KLF7: variants seen among roughly 807,000 people sequenced by gnomAD.
KLF7 encodes KLF transcription factor 7, also known as Krueppel-like factor 7.
In KLF7, 2 loss-of-function variants were observed where a neutral mutation model predicts 27.3. The ratio of observed to expected loss-of-function variants is 0.07; its 90% CI spans 0.03 to 0.23. The LOEUF (loss-of-function observed/expected upper bound fraction) is 0.23, where lower values mean the gene tolerates loss of function less well. Among genes scored for constraint, KLF7 ranks in the 10% least tolerant of loss-of-function variants. The probability of loss-of-function intolerance (pLI) is 1.00; values close to 1 mark genes in which losing one functional copy is unlikely to be tolerated. For synonymous variants in KLF7, 165 were observed against 162.4 expected, an observed-to-expected ratio of 1.02 and a Z score of -0.12; for missense variants, 221 against 394.1, an observed-to-expected ratio of 0.56 and a Z score of 3.72.
intron 1 of KLF7, among the ~76,000 whole-genome samples, chr2:207,142,968 G>A (rs1257807127): frequency 6.6e-6 from 1 of 152,168 alleles, no homozygotes; most frequent in East Asian, 1.9e-4. Context: ...AGATTAAAGA[G>A]CTCAAAAGAT....
chr2:207,137,858 G>A (rs192460410), intron 1 of KLF7, among the ~76,000 whole-genome samples: 32 of 152,264 alleles, frequency 2.1e-4, no homozygotes, highest in Non-Finnish European at 4.1e-4. Flanking sequence ...GAAAGATGAG[G>A]GAGAGGGGAA....
chr2:207,169,572 A>C (rs367585971), upstream of KLF7, among the ~76,000 whole-genome samples: 1 of 152,222 alleles, frequency 6.6e-6, no homozygotes, highest in Non-Finnish European at 1.5e-5. Context: ...ATTTTATTGT[A>C]CATAGCTTTA....
intron 2 of KLF7, among the ~76,000 whole-genome samples, chr2:207,098,778 A>ATTTT (rs1182598901): frequency 0.07 from 7,337 of 104,470 alleles, 441 homozygotes; most frequent in East Asian, 0.099. Flanking sequence ...CACTTGGCTA[A>ATTTT]TTTTTTTTTT....
At chr2:207,081,969 T>C (rs1011855897) in intron 3 of KLF7, among the ~76,000 whole-genome samples, 3 of 151,682 alleles carry the variant, frequency 2.0e-5, no homozygotes, top group African/African-American at 7.3e-5. Context: ...CAACCCTCCA[T>C]GGTAAGTATT....
intron 2 of KLF7, among the ~76,000 whole-genome samples, chr2:207,113,122 T>G (rs2077079676): frequency 6.6e-6 from 1 of 152,232 alleles, no homozygotes; most frequent in African/African-American, 2.4e-5. Context: ...TTTGGTCCAT[T>G]TAAGAAATAA....
intron 1 of KLF7, among the ~76,000 whole-genome samples, chr2:207,140,568 T>C (rs978912456): frequency 2.6e-5 from 4 of 152,134 alleles, no homozygotes; most frequent in African/African-American, 9.7e-5. Flanking sequence ...AAGCATCTCA[T>C]TCTTGTATAA....
chr2:207,136,376 A>G (rs1454961964), intron 1 of KLF7, among the ~76,000 whole-genome samples: 2 of 152,020 alleles, frequency 1.3e-5, no homozygotes, highest in Non-Finnish European at 2.9e-5. Flanking sequence ...CCCCCAGTTC[A>G]TCCCTCTCTC....
chr2:207,084,764 A>G lies in KLF7; in HGVS notation c.858-3500T>C, dbSNP rs548811201. Among the ~76,000 whole-genome samples the G allele has an allele frequency of 2.0e-5, 3 of 152,328 alleles. No homozygotes were observed. In the East Asian group the frequency reaches 5.8e-4, roughly 29 times the overall value. On this transcript the variant is annotated intron_variant, in intron 3 of 3. Coordinates refer to ENST00000309446, the MANE Select transcript of KLF7 (RefSeq NM_003709.4). ...AATATACCCCTAGAGGGTATTTATAACTTTACAGCAGCCAGGTGACCTTAA... is the reference window on the plus strand; with the variant it reads ...AATATACCCCTAGAGGGTATTTATAGCTTTACAGCAGCCAGGTGACCTTAA...
intron 2 of KLF7, among the ~76,000 whole-genome samples, chr2:207,093,300 G>C (rs2076553233): frequency 6.6e-6 from 1 of 152,128 alleles, no homozygotes; most frequent in Non-Finnish European, 1.5e-5. Flanking sequence ...AAAGTCAAAA[G>C]CCAGGCAAGG....
intron 2 of KLF7, among the ~76,000 whole-genome samples, chr2:207,115,716 C>T (rs2077161808): frequency 6.6e-6 from 1 of 151,866 alleles, no homozygotes; most frequent in African/African-American, 2.4e-5. Flanking sequence ...GGAATGCCAT[C>T]CCAGTTCCCA....
At chr2:207,143,286 TAAAAG>T (rs2077995533) in intron 1 of KLF7, among the ~76,000 whole-genome samples, 1 of 150,934 alleles carries the variant, frequency 6.6e-6, no homozygotes, top group South Asian at 2.1e-4. Context: ...CATCATCAAA[TAAAAG>T]AAACGTCAGT....
intron 3 of KLF7, 116 bp from the exon 4 acceptor site, chr2:207,081,380 G>T: frequency 1.1e-6 from 1 of 902,838 alleles, no homozygotes; most frequent in Non-Finnish European, 1.8e-6. Flanking sequence ...CATGCATTGA[G>T]AAACAGGGCC....
chr2:207,151,558 T>G (rs1411034567), intron 1 of KLF7, among the ~76,000 whole-genome samples: 6 of 152,170 alleles, frequency 3.9e-5, no homozygotes, highest in African/African-American at 1.4e-4. Context: ...TGGTTTGCAT[T>G]CTGGTTCTCT....
chr2:207,114,740 A>G (rs2077132945), intron 2 of KLF7, among the ~76,000 whole-genome samples: 1 of 152,232 alleles, frequency 6.6e-6, no homozygotes, highest in Non-Finnish European at 1.5e-5. Flanking sequence ...GAAAGATATT[A>G]GATACCCTAA....
intron 1 of KLF7, among the ~76,000 whole-genome samples, chr2:207,144,084 T>A (rs2078025355): frequency 6.7e-6 from 1 of 150,030 alleles, no homozygotes; most frequent in South Asian, 2.1e-4. Flanking sequence ...CAACTGCTTG[T>A]GTAAGCGCAA....
At chr2:207,148,905 T>G (rs751225357) in intron 1 of KLF7, 4 of 593,216 alleles carry the variant, frequency 6.7e-6, no homozygotes, top group African/African-American at 2.0e-5. Context: ...GGATCTCCTA[T>G]CACCCCTCCA....
At chr2:207,112,308 T>C (rs892591499) in intron 2 of KLF7, among the ~76,000 whole-genome samples, 3 of 152,088 alleles carry the variant, frequency 2.0e-5, no homozygotes, top group Admixed American at 2.0e-4. Flanking sequence ...TGGTTTCCTT[T>C]AGACAGGTGT....
In KLF7 at chr2:207,165,761, G is replaced by A; in HGVS notation, c.-193C>T. 1.4e-6 allele frequency: 2 copies of A among 1,436,672 alleles called. No homozygotes were observed. The highest frequency in any genetic ancestry group is 1.8e-6 in the Non-Finnish European group (2 of 1,101,190). 89.0% of individuals were successfully genotyped at this position (1,436,672 alleles called of 1,614,324 possible). A position where few individuals can be genotyped will look rare whatever the true frequency, so the allele number is the denominator to read the frequency against. The stretch of plus-strand genomic sequence containing the variant: ...GAGAGGGAGAGAGGAGGTGAGAGAG[G>A]AGCGAGTGAGTGGGGTGGATGGAGA... On this transcript the variant is annotated 5_prime_UTR_variant, in exon 1 of 4. Coordinates refer to ENST00000309446, the MANE Select transcript of KLF7 (RefSeq NM_003709.4).
At chr2:207,167,007 C>A (rs1037815943), upstream of KLF7, 5 of 855,410 alleles carry the variant, frequency 5.8e-6, no homozygotes, top group Non-Finnish European at 7.6e-6. Context: ...GTCGGGAGTC[C>A]GGCGGCTAGA....
Sources: allele counts gnomAD v4.1 joint callset (sites outside exome capture counted in the v4.1 genomes callset), GRCh38; gene constraint gnomAD v4.1.1; transcripts MANE v1.5; gene names NCBI Gene and HGNC (gene_info 2026-07-23, HGNC 2026-07-21).